CPAP: variants seen among roughly 807,000 people sequenced by gnomAD.
The protein encoded by CPAP is centrosome assembly and centriole elongation protein, also known as centrosomal P4.1-associated protein.
chr13:24,901,483 T>G, the CPAP span, among the ~76,000 whole-genome samples: 1 of 152,208 alleles, frequency 6.6e-6, no homozygotes, highest in Non-Finnish European at 1.5e-5. Flanking sequence ...CAATGGACAT[T>G]CTTAAAATTT....
At chr13:24,903,645 C>T in the CPAP span, among the ~76,000 whole-genome samples, 1 of 152,218 alleles carries the variant, frequency 6.6e-6, no homozygotes. Context: ...GAAACCAATA[C>T]ACTAACTAGC....
chr13:24,917,004 A>G, the CPAP span, among the ~76,000 whole-genome samples: 1 of 152,192 alleles, frequency 6.6e-6, no homozygotes, highest in African/African-American at 2.4e-5. Flanking sequence ...TAATCCCAGC[A>G]CTTTGGGAGA....
At chr13:24,895,048 CGGGCAAGG>C in the CPAP span, among the ~76,000 whole-genome samples, 11 of 152,224 alleles carry the variant, frequency 7.2e-5, no homozygotes, top group Non-Finnish European at 1.3e-4. Flanking sequence ...CCACGTCCCG[CGGGCAAGG>C]CTCAGGCAGA....
At chr13:24,885,284 C>T in the CPAP span, 4 of 1,597,016 alleles carry the variant, frequency 2.5e-6, no homozygotes, top group African/African-American at 5.4e-5. Flanking sequence ...ACCTTTCCAT[C>T]AGGATGACTG....
At chr13:24,931,409 A>G in the CPAP span, among the ~76,000 whole-genome samples, 1 of 146,280 alleles carries the variant, frequency 6.8e-6, no homozygotes, top group African/African-American at 2.5e-5. Flanking sequence ...TCCTCCCCCA[A>G]AATCTCTTGT....
chr13:24,899,434 T>C, the CPAP span: 1 of 1,613,228 alleles, frequency 6.2e-7, no homozygotes. Flanking sequence ...TTTCTTCACG[T>C]TCCTTTTTAT....
the CPAP span, among the ~76,000 whole-genome samples, chr13:24,911,111 A>G: frequency 1.3e-5 from 2 of 152,174 alleles, no homozygotes; most frequent in African/African-American, 2.4e-5. Context: ...ATCTATAATA[A>G]TTTTATTATC....
the CPAP span, among the ~76,000 whole-genome samples, chr13:24,887,736 C>T: frequency 1.3e-5 from 2 of 152,162 alleles, no homozygotes; most frequent in Admixed American, 6.5e-5. Flanking sequence ...AAGCCATGCC[C>T]CTTACCCCAG....
the CPAP span, chr13:24,903,882 T>C: frequency 1.9e-6 from 3 of 1,597,792 alleles, no homozygotes; most frequent in South Asian, 3.3e-5. Flanking sequence ...AAGGTATAAC[T>C]GAGTCACTGC....
the CPAP span, among the ~76,000 whole-genome samples, chr13:24,931,878 A>G: frequency 6.6e-6 from 1 of 152,184 alleles, no homozygotes; most frequent in African/African-American, 2.4e-5. Flanking sequence ...CACCTCTCCC[A>G]AAGCCGAGCT....
At chr13:24,889,239 GTTTTA>G in the CPAP span, 2 of 987,176 alleles carry the variant, frequency 2.0e-6, no homozygotes, top group Non-Finnish European at 1.6e-6. Context: ...ATTAAGAAAT[GTTTTA>G]TTAAGTTGGG....
chr13:24,912,129 G>C, the CPAP span: 1 of 1,507,272 alleles, frequency 6.6e-7, no homozygotes, highest in Admixed American at 1.7e-5. Context: ...TGGACACCTC[G>C]TTCCCTTAAT....
chr13:24,904,732 T>A, the CPAP span, among the ~76,000 whole-genome samples: 2 of 152,244 alleles, frequency 1.3e-5, no homozygotes, highest in African/African-American at 4.8e-5. Context: ...AAAAAATTAC[T>A]TTTAAAATCA....
the CPAP span, among the ~76,000 whole-genome samples, chr13:24,896,577 G>A: frequency 6.6e-6 from 1 of 152,200 alleles, no homozygotes; most frequent in African/African-American, 2.4e-5. Context: ...ATCTTGTGAG[G>A]GAAAGGCATC....
At chr13:24,908,899 T>C in the CPAP span, among the ~76,000 whole-genome samples, 1 of 152,238 alleles carries the variant, frequency 6.6e-6, no homozygotes, top group Non-Finnish European at 1.5e-5. Context: ...TAATTTTTGC[T>C]TGATGCATAC....
chr13:24,883,053 CTT>C, the CPAP span: 6 of 885,456 alleles, frequency 6.8e-6, no homozygotes, highest in Admixed American at 1.9e-5. Flanking sequence ...ACAGGGTAAA[CTT>C]TTATTTTAGA....
At chr13:24,899,332 G>A in the CPAP span, 5 of 988,310 alleles carry the variant, frequency 5.1e-6, no homozygotes, top group South Asian at 1.4e-5. Flanking sequence ...ACACAGTTTT[G>A]CTTTGACATA....
the CPAP span, chr13:24,885,785 T>C: frequency 1.3e-6 from 1 of 758,166 alleles, no homozygotes; most frequent in Non-Finnish European, 2.3e-6. Context: ...TATCCATTAG[T>C]TAAGGATGTC....
chr13:24,885,298 T>A, the CPAP span: 1 of 1,611,112 alleles, frequency 6.2e-7, no homozygotes, highest in Non-Finnish European at 8.5e-7. Context: ...ATGACTGATT[T>A]CTCCCTGTAT....
Sources: allele counts gnomAD v4.1 joint callset (sites outside exome capture counted in the v4.1 genomes callset), GRCh38; gene constraint gnomAD v4.1.1; transcripts MANE v1.5; gene names NCBI Gene and HGNC (gene_info 2026-07-23, HGNC 2026-07-21).